Variants in SGIP1 observed in about 807,000 individuals in gnomAD.
SGIP1 encodes SH3-containing GRB2-like protein 3-interacting protein 1.
Under a neutral mutation model 107.5 loss-of-function variants are expected in SGIP1, and 38 were observed. That is an observed-to-expected ratio of 0.35 (90% confidence interval 0.27 to 0.46). The LOEUF is 0.46. Ranked by LOEUF, SGIP1 falls within the 20% of genes least tolerant of loss-of-function variation. SGIP1 has a pLI of 1.00. For synonymous variants in SGIP1, 365 were observed against 366.1 expected (o/e 1.00, Z 0.03); for missense variants, 929 against 1,019.5 (o/e 0.91, Z 1.21).
rs956508671 is a variant in SGIP1, at chr1:66,628,426, A to T, written c.74+2516A>T. On this transcript the variant is annotated intron_variant, in intron 2 of 24. Coordinates refer to ENST00000371037, the MANE Select transcript of SGIP1 (RefSeq NM_032291.4). Reference sequence around the variant, plus strand: ...ACAACAACAAAGAAATTTACACTAGATGGAATCGAATTTCCCTAAAGGGCC... The same window carrying T: ...ACAACAACAAAGAAATTTACACTAGTTGGAATCGAATTTCCCTAAAGGGCC... The T allele has an allele frequency of 3.9e-5, 6 of 154,762 alleles. No individual in the cohort carries two copies. In the Admixed American group the frequency reaches 3.9e-4, roughly 10 times the overall value. 9.6% of individuals were successfully genotyped at this position (154,762 alleles called of 1,614,324 possible).
intron 1 of SGIP1, among the ~76,000 whole-genome samples, chr1:66,605,299 T>A (rs2066610181): frequency 6.6e-6 from 1 of 152,168 alleles, no homozygotes. Flanking sequence ...CATTAAAGGC[T>A]TTTCATCTGA....
intron 2 of SGIP1, among the ~76,000 whole-genome samples, chr1:66,626,565 A>G (rs5008753): frequency 0.53 from 80,374 of 152,100 alleles, 22,342 homozygotes; most frequent in East Asian, 0.87. Flanking sequence ...TTCATTCCAC[A>G]AACTTCCTTC....
intron 1 of SGIP1, among the ~76,000 whole-genome samples, chr1:66,546,289 A>G (rs2056372499): frequency 6.6e-6 from 1 of 152,202 alleles, no homozygotes; most frequent in Non-Finnish European, 1.5e-5. Flanking sequence ...TGTGCAGTTA[A>G]TATAGTATCT....
chr1:66,703,660 C>T (rs1274537718), intron 18 of SGIP1, among the ~76,000 whole-genome samples: 1 of 150,874 alleles, frequency 6.6e-6, no homozygotes, highest in Non-Finnish European at 1.5e-5. Context: ...ATATAGCATA[C>T]ATACTATATA....
At chr1:66,689,003 GA>G (rs1369746336) in intron 15 of SGIP1, 144 bp from the exon 16 acceptor site, 3 of 831,586 alleles carry the variant, frequency 3.6e-6, no homozygotes, top group Non-Finnish European at 5.1e-6. Context: ...AAAAAAAAGA[GA>G]AAAAAGAAAG....
intron 1 of SGIP1, among the ~76,000 whole-genome samples, chr1:66,582,639 A>C (rs1283137381): frequency 6.6e-6 from 1 of 152,072 alleles, no homozygotes; most frequent in African/African-American, 2.4e-5. Context: ...TGAAATAAAC[A>C]TCATAATTAT....
chr1:66,670,435 T>C (rs2083504112), intron 9 of SGIP1, among the ~76,000 whole-genome samples: 1 of 152,170 alleles, frequency 6.6e-6, no homozygotes, highest in Admixed American at 6.5e-5. Context: ...GGAGGATGAG[T>C]GCATAGGTGG....
intron 18 of SGIP1, among the ~76,000 whole-genome samples, chr1:66,700,319 C>T (rs541632189): frequency 2.7e-4 from 37 of 136,650 alleles, no homozygotes; most frequent in African/African-American, 1.0e-3. Flanking sequence ...TGCAGTGAGC[C>T]AAGATTGCAC....
chr1:66,551,423 T>A (rs1157800331), intron 1 of SGIP1, among the ~76,000 whole-genome samples: 1 of 152,188 alleles, frequency 6.6e-6, no homozygotes, highest in African/African-American at 2.4e-5. Flanking sequence ...TCAAAGGCAA[T>A]TCAATCATCA....
intron 18 of SGIP1, among the ~76,000 whole-genome samples, chr1:66,708,744 T>C (rs1483706785): frequency 6.6e-6 from 1 of 150,856 alleles, no homozygotes; most frequent in Non-Finnish European, 1.5e-5. Context: ...TGTCAATTGA[T>C]TGTATGTTCC....
At position 66,745,576 on chromosome 1, in the gene SGIP1, T is replaced by C. The variant is rs2094541284; in HGVS notation, c.*2481T>C. 1.3e-5 allele frequency: 2 copies of C among 152,098 alleles called. No homozygotes were observed. Among genetic ancestry groups the C allele is most frequent in the African/African-American group, 4.8e-5 (2 of 41,450 alleles). 9.4% of individuals were successfully genotyped at this position (152,098 alleles called of 1,614,324 possible). A position where few individuals can be genotyped will look rare whatever the true frequency, so the allele number is the denominator to read the frequency against. On this transcript the variant is annotated 3_prime_UTR_variant, in exon 25 of 25. Transcript: ENST00000371037. ...CCAGGCAATGAAAGAGTCTCAGTTA[T>C]CAAAGACATTAAGTCAGATTCATTT...
At chr1:66,574,355 T>A (rs1471945929) in intron 1 of SGIP1, among the ~76,000 whole-genome samples, 11 of 152,132 alleles carry the variant, frequency 7.2e-5, no homozygotes, top group Admixed American at 7.2e-4. Context: ...AGTAAGCTGG[T>A]TTGGCAAATG....
chr1:66,573,754 A>G (rs2060701311), intron 1 of SGIP1, among the ~76,000 whole-genome samples: 1 of 152,072 alleles, frequency 6.6e-6, no homozygotes, highest in Admixed American at 6.6e-5. Context: ...GGGGCCTATC[A>G]CTGAGCAGAG....
intron 1 of SGIP1, among the ~76,000 whole-genome samples, chr1:66,570,065 T>A (rs2060169567): frequency 6.6e-6 from 1 of 151,856 alleles, no homozygotes; most frequent in South Asian, 2.1e-4. Context: ...TCTGTAGTAA[T>A]GTCCTCTCTT....
intron 18 of SGIP1, among the ~76,000 whole-genome samples, chr1:66,712,335 G>A (rs535792777): frequency 6.6e-6 from 1 of 152,280 alleles, no homozygotes; most frequent in Non-Finnish European, 1.5e-5. Context: ...TTTGATGACA[G>A]AAAGTGCTAA....
chr1:66,609,808 A>G lies in SGIP1; in HGVS notation c.11-16039A>G, dbSNP rs940951796. Among the ~76,000 whole-genome samples, 7 of 152,224 alleles carry G rather than the reference A, an allele frequency of 4.6e-5. No homozygotes were observed. In the East Asian group the frequency reaches 9.6e-4, roughly 21 times the overall value. Reference sequence around the variant, plus strand: ...TATAATTTATCTTGTAAATGTGACTATTTTAGAAAAAACAAAATACATTTG... The same window carrying G: ...TATAATTTATCTTGTAAATGTGACTGTTTTAGAAAAAACAAAATACATTTG... On this transcript the variant is annotated intron_variant, in intron 1 of 24. Transcript: ENST00000371037.
intron 1 of SGIP1, among the ~76,000 whole-genome samples, chr1:66,603,384 T>G (rs947083594): frequency 6.6e-6 from 1 of 152,160 alleles, no homozygotes; most frequent in African/African-American, 2.4e-5. Context: ...ACAGTATCTA[T>G]GTTAGTGATC....
intron 15 of SGIP1, among the ~76,000 whole-genome samples, chr1:66,687,291 TC>T (rs1462789660): frequency 7.3e-6 from 1 of 137,172 alleles, no homozygotes; most frequent in Non-Finnish European, 1.5e-5. Context: ...TCCTCCTCCA[TC>T]AACACCAAAA....
In SGIP1 at chr1:66,741,371, G is replaced by T. The variant is rs1572485088; in HGVS notation, c.2399G>T (p.Gly800Val). 6.2e-7 allele frequency: 1 copy of T among 1,611,200 alleles called. No homozygotes were observed. The highest frequency in any genetic ancestry group is 8.5e-7 in the Non-Finnish European group (1 of 1,178,388). Residue 800 changes from glycine to valine, a missense_variant, in exon 24 of 25, where the codon GGC becomes GTC. Around this residue, in one of 2 missense-constraint regions of SGIP1, gnomAD observed 341 missense variants for 430.9 expected, o/e 0.79. Transcript: ENST00000371037. ...QFTSEGSTLSGCDIELVGAGY... is the reference protein window; with the variant it reads ...QFTSEGSTLSVCDIELVGAGY... ...ACAAGTGAAGGAAGCACCCTTTCTG[G>T]CTGTGACATTGAACTTGTTGGAGCA...
Sources: allele counts gnomAD v4.1 joint callset (sites outside exome capture counted in the v4.1 genomes callset), GRCh38; gene constraint gnomAD v4.1.1; regional missense constraint gnomAD v4.1.1; transcripts MANE v1.5; gene names NCBI Gene and HGNC (gene_info 2026-07-23, HGNC 2026-07-21).